Variants in CYREN observed in about 807,000 individuals in gnomAD.
CYREN encodes the protein cell cycle regulator of non-homologous end joining.
CYREN carries 7 observed loss-of-function variants against 9.7 expected under a neutral mutation model. That is an observed-to-expected ratio of 0.72 (90% CI 0.41 to 1.36). The LOEUF (loss-of-function observed/expected upper bound fraction) is 1.36, where lower values mean the gene tolerates loss of function less well. Among genes scored for constraint, CYREN ranks in the 40% most tolerant of loss-of-function variants. The pLI, the probability that CYREN is intolerant of heterozygous loss-of-function variation, is 0.01. For missense variants in CYREN, 215 were observed against 198.1 expected, an observed-to-expected ratio of 1.09 and a Z score of -0.51; for synonymous variants, 76 against 77.9, an observed-to-expected ratio of 0.98 and a Z score of 0.13.
At chr7:135,100,119 C>T (rs1406342270) in intron 2 of CYREN, 2 of 151,244 alleles carry the variant, frequency 1.3e-5, no homozygotes, top group Non-Finnish European at 2.9e-5. Context: ...ATCTCCCGAC[C>T]TCGTGATCTG....
chr7:135,093,890 G>C (rs970867642), exon 3 of CYREN: 1 of 155,568 alleles, frequency 6.4e-6, no homozygotes, highest in Non-Finnish European at 1.4e-5. Context: ...ACTGGCCTAA[G>C]GGTAAACATA....
intron 2 of CYREN, among the ~76,000 whole-genome samples, chr7:135,130,431 T>C (rs1347089283): frequency 3.3e-5 from 5 of 152,150 alleles, no homozygotes; most frequent in African/African-American, 1.2e-4. Context: ...CTATTCAACT[T>C]TCCTGGGTGT....
intron 2 of CYREN, among the ~76,000 whole-genome samples, chr7:135,098,922 TA>T (rs1006445363): frequency 2.2e-4 from 33 of 152,126 alleles, no homozygotes; most frequent in Non-Finnish European, 3.8e-4. Context: ...ACTAAAGAGC[TA>T]AAATGTGTAT....
chr7:135,135,242 A>ACT (rs1454336608), intron 2 of CYREN: 1 of 1,526,680 alleles, frequency 6.6e-7, no homozygotes, highest in Non-Finnish European at 8.8e-7. Flanking sequence ...TTATATCTGA[A>ACT]GTTCCAAAGG....
At chr7:135,098,034 T>G (rs147815591) in intron 2 of CYREN, among the ~76,000 whole-genome samples, 212 of 152,266 alleles carry the variant, frequency 1.4e-3, no homozygotes, top group Middle Eastern at 0.01. Context: ...AACAGGATAT[T>G]TTAGATATGG....
At position 135,117,803 on chromosome 7, in the gene CYREN, G is replaced by T. The variant is rs183681130; in HGVS notation, n.357-23221C>A. On this transcript the variant is annotated intron_variant and non_coding_transcript_variant, in intron 2 of 2. Coordinates refer to the CYREN transcript ENST00000459937. ...CTCAGGCACAATTTGCCCTTCTCTG[G>T]GGACTGCCTCTTGATCCACAAGGGT... Among the ~76,000 whole-genome samples the T allele has an allele frequency of 3.9e-5, 6 of 152,262 alleles. No individual in the cohort carries two copies. The East Asian group carries it at 1.2e-3, about 29-fold the overall frequency.
At chr7:135,130,031 C>T (rs1477094343) in intron 2 of CYREN, among the ~76,000 whole-genome samples, 5 of 152,192 alleles carry the variant, frequency 3.3e-5, no homozygotes, top group Non-Finnish European at 7.3e-5. Context: ...AAGAGTTAAA[C>T]TTACAGACCC....
At chr7:135,163,293 C>A (rs1829995072), downstream of CYREN, among the ~76,000 whole-genome samples, 1 of 152,112 alleles carries the variant, frequency 6.6e-6, no homozygotes, top group Admixed American at 6.5e-5. Flanking sequence ...AGAATATTAA[C>A]AGTGGTTTTA....
chr7:135,143,074 C>T (rs550343821), intron 2 of CYREN, among the ~76,000 whole-genome samples: 142 of 152,226 alleles, frequency 9.3e-4, no homozygotes, highest in Non-Finnish European at 1.2e-3. Flanking sequence ...AGACTGAGTG[C>T]GGTGGCTCAT....
At chr7:135,128,347 A>C in intron 2 of CYREN, 2 of 300,286 alleles carry the variant, frequency 6.7e-6, no homozygotes. Flanking sequence ...ACAACAAGGC[A>C]TTTGTAAACT....
intron 2 of CYREN, among the ~76,000 whole-genome samples, chr7:135,141,524 C>T (rs1211613031): frequency 1.3e-5 from 2 of 151,836 alleles, no homozygotes; most frequent in African/African-American, 4.8e-5. Context: ...GTTGATCTTT[C>T]GTATGTTTTT....
intron 2 of CYREN, among the ~76,000 whole-genome samples, chr7:135,154,311 A>T (rs1829734835): frequency 6.6e-6 from 1 of 152,128 alleles, no homozygotes; most frequent in Non-Finnish European, 1.5e-5. Context: ...CTAATATATG[A>T]ACTTTTAGTT....
At chr7:135,171,453 T>C (rs1243560934), upstream of CYREN, among the ~76,000 whole-genome samples, 1 of 152,148 alleles carries the variant, frequency 6.6e-6, no homozygotes, top group Non-Finnish European at 1.5e-5. Flanking sequence ...ATGTTATTCA[T>C]AGATTCCAGA....
chr7:135,128,861 C>A, intron 2 of CYREN: 1 of 1,245,158 alleles, frequency 8.0e-7, no homozygotes, highest in Non-Finnish European at 1.2e-6. Flanking sequence ...TAAATATGAT[C>A]CAGGAAATCT....
At chr7:135,163,086 T>C (rs1475806465), downstream of CYREN, among the ~76,000 whole-genome samples, 9 of 152,228 alleles carry the variant, frequency 5.9e-5, no homozygotes, top group Non-Finnish European at 5.9e-5. Context: ...TCTTCACTTA[T>C]AATGGTGAAA....
At position 135,094,492 on chromosome 7, in the gene CYREN, C is replaced by T. The variant is rs137930901; in HGVS notation, n.447G>A. On this transcript the variant is annotated non_coding_transcript_exon_variant, in exon 3 of 3. Transcript: ENST00000459937. Reference sequence around the variant, plus strand: ...TTGAAAGTGAGAAACTCCTGGTGGCCATAGTCTTGTCTGGAGCTTCATTTT... The same window carrying T: ...TTGAAAGTGAGAAACTCCTGGTGGCTATAGTCTTGTCTGGAGCTTCATTTT... The T allele has an allele frequency of 2.8e-3, 1,294 of 456,624 alleles. 19 individuals carry two copies. In the East Asian group the frequency reaches 0.037, roughly 13 times the overall value. 28.3% of individuals were successfully genotyped at this position (456,624 alleles called of 1,614,324 possible).
chr7:135,103,852 A>G (rs73153772), intron 2 of CYREN, among the ~76,000 whole-genome samples: 3,900 of 152,074 alleles, frequency 0.026, 74 homozygotes, highest in Middle Eastern at 0.051. Flanking sequence ...CTTGTGTTGT[A>G]ATTTTCTTCA....
intron 2 of CYREN, among the ~76,000 whole-genome samples, chr7:135,107,763 A>G (rs2117097779): frequency 6.6e-6 from 1 of 152,276 alleles, no homozygotes; most frequent in African/African-American, 2.4e-5. Flanking sequence ...CACATCCTGA[A>G]TATCTTTGTG....
chr7:135,166,960 G>A (rs1169207133), intron 3 of CYREN, 89 bp from the exon 4 acceptor site: 6 of 1,543,420 alleles, frequency 3.9e-6, no homozygotes, highest in South Asian at 3.7e-5. Flanking sequence ...GTATCTAGAA[G>A]CAACTACAAA....
Sources: allele counts gnomAD v4.1 joint callset (sites outside exome capture counted in the v4.1 genomes callset), GRCh38; gene constraint gnomAD v4.1.1; transcripts MANE v1.5; gene names NCBI Gene and HGNC (gene_info 2026-07-23, HGNC 2026-07-21).